FCHO2: variants seen among roughly 807,000 people sequenced by gnomAD.
FCHO2 encodes F-BAR domain only protein 2.
A neutral mutation model predicts 114.1 loss-of-function variants in FCHO2; 43 were observed. The ratio of observed to expected loss-of-function variants is 0.38; its 90% CI spans 0.30 to 0.49. The LOEUF (loss-of-function observed/expected upper bound fraction) is 0.49, where lower values mean the gene tolerates loss of function less well. FCHO2 is among the 20% of genes least tolerant of loss of function. The pLI, the probability that FCHO2 is intolerant of heterozygous loss-of-function variation, is 0.97. For synonymous variants in FCHO2, 293 were observed against 315.2 expected (o/e 0.93, Z 0.75); for missense variants, 807 against 950.4 (o/e 0.85, Z 1.98).
chr5:72,982,246 T>C (rs1753252724), intron 2 of FCHO2, among the ~76,000 whole-genome samples: 1 of 152,286 alleles, frequency 6.6e-6, no homozygotes, highest in South Asian at 2.1e-4. Flanking sequence ...GCACCCACTG[T>C]CTAACTAGCC....
intron 11 of FCHO2, among the ~76,000 whole-genome samples, chr5:73,045,576 T>G (rs760029328): frequency 6.6e-6 from 1 of 152,186 alleles, no homozygotes; most frequent in Non-Finnish European, 1.5e-5. Flanking sequence ...GTGTACAGGT[T>G]TTTGTGTGGA....
chr5:72,979,635 C>T (rs1322410362), intron 2 of FCHO2, among the ~76,000 whole-genome samples: 1 of 151,710 alleles, frequency 6.6e-6, no homozygotes, highest in Admixed American at 6.6e-5. Context: ...TCGTGATCCG[C>T]CCGCCTCGGC....
chr5:72,960,653 T>G (rs1467410988), intron 1 of FCHO2, among the ~76,000 whole-genome samples: 2 of 152,182 alleles, frequency 1.3e-5, no homozygotes, highest in Non-Finnish European at 2.9e-5. Flanking sequence ...ATAATAGTCT[T>G]GAGATTATAA....
chr5:73,035,993 C>T (rs1756484159), intron 9 of FCHO2, among the ~76,000 whole-genome samples: 4 of 151,758 alleles, frequency 2.6e-5, no homozygotes, highest in Admixed American at 2.6e-4. Context: ...CAGGTGTGCG[C>T]CACTACGCCC....
intron 11 of FCHO2, among the ~76,000 whole-genome samples, chr5:73,047,774 A>G (rs1393325112): frequency 1.3e-5 from 2 of 152,122 alleles, no homozygotes; most frequent in East Asian, 1.9e-4. Context: ...ATGTAAATGG[A>G]TATTGTAAAT....
intron 10 of FCHO2, among the ~76,000 whole-genome samples, chr5:73,040,087 A>C (rs905471890): frequency 1.3e-5 from 2 of 152,106 alleles, no homozygotes; most frequent in African/African-American, 4.8e-5. Context: ...TTTTCCTTTA[A>C]GAAAATTCTT....
intron 10 of FCHO2, among the ~76,000 whole-genome samples, chr5:73,038,826 T>C (rs1048189239): frequency 3.3e-5 from 5 of 152,216 alleles, no homozygotes; most frequent in African/African-American, 9.6e-5. Context: ...TATTTTATAA[T>C]ATTAGCAATA....
In FCHO2 at chr5:72,964,138, T is replaced by G. The variant is rs142896700; in HGVS notation, c.34-4360T>G. ...CGCAAAATATATAAAAATTAAAAAA[T>G]TAACTACTGTTTGCTTCTGTAGTTT... On this transcript the variant is annotated intron_variant, in intron 1 of 25. Transcript: ENST00000430046. Among the ~76,000 whole-genome samples, 624 of 152,194 alleles carry G rather than the reference T, an allele frequency of 4.1e-3. 3 individuals are homozygous for G. Among genetic ancestry groups the G allele is most frequent in the African/African-American group, 0.014 (594 of 41,524 alleles).
intron 5 of FCHO2, among the ~76,000 whole-genome samples, chr5:72,995,215 G>A (rs1185860603): frequency 1.3e-5 from 2 of 151,602 alleles, no homozygotes; most frequent in Non-Finnish European, 2.9e-5. Flanking sequence ...CTCCTGGTGT[G>A]GTTTGTTTTC....
intron 5 of FCHO2, among the ~76,000 whole-genome samples, chr5:72,995,519 G>A (rs1328357425): frequency 1.3e-5 from 2 of 152,154 alleles, no homozygotes; most frequent in African/African-American, 4.8e-5. Flanking sequence ...GCCTCCCAAA[G>A]TGCTGGGTGT....
intron 1 of FCHO2, among the ~76,000 whole-genome samples, chr5:72,962,096 T>G (rs1751908045): frequency 6.6e-6 from 1 of 152,198 alleles, no homozygotes; most frequent in African/African-American, 2.4e-5. Context: ...AATTATAGTG[T>G]TTTAGATTGC....
intron 8 of FCHO2, among the ~76,000 whole-genome samples, chr5:73,024,333 A>G (rs912259345): frequency 6.6e-6 from 1 of 151,974 alleles, no homozygotes; most frequent in Non-Finnish European, 1.5e-5. Context: ...AAGTGCTGGG[A>G]TTACAGGTGT....
chr5:72,987,268 C>T (rs1415838594), intron 2 of FCHO2, among the ~76,000 whole-genome samples: 1 of 152,098 alleles, frequency 6.6e-6, no homozygotes, highest in Non-Finnish European at 1.5e-5. Flanking sequence ...CTGCTTTTGG[C>T]ATCATGTTGG....
At chr5:73,065,212 A>G (rs924855677) in intron 18 of FCHO2, among the ~76,000 whole-genome samples, 5 of 152,078 alleles carry the variant, frequency 3.3e-5, no homozygotes, top group Non-Finnish European at 7.4e-5. Flanking sequence ...GTAATATAGA[A>G]ATTACTACAT....
At position 73,089,689 on chromosome 5, in the gene FCHO2, A is replaced by G. The variant is rs1240072509; in HGVS notation, c.*1599A>G. The G allele has an allele frequency of 1.3e-5, 2 of 152,556 alleles. No homozygotes were observed. Among genetic ancestry groups the G allele is most frequent in the Admixed American group, 6.5e-5 (1 of 15,280 alleles). 9.5% of individuals were successfully genotyped at this position (152,556 alleles called of 1,614,324 possible). On this transcript the variant is annotated 3_prime_UTR_variant, in exon 26 of 26. Coordinates refer to ENST00000430046, the MANE Select transcript of FCHO2 (RefSeq NM_138782.3). ...AATTGTGTTATATATGATAATTTAT[A>G]TAAAACCACTAATTGTTCCGTTAAG...
chr5:72,985,925 C>T (rs568099550), intron 2 of FCHO2, among the ~76,000 whole-genome samples: 1 of 152,092 alleles, frequency 6.6e-6, no homozygotes, highest in African/African-American at 2.4e-5. Context: ...TTGGAAAATT[C>T]CCCATTATTA....
At chr5:73,079,117 A>G (rs1263353117) in intron 22 of FCHO2, among the ~76,000 whole-genome samples, 1 of 152,174 alleles carries the variant, frequency 6.6e-6, no homozygotes, top group Non-Finnish European at 1.5e-5. Flanking sequence ...TTTATTTTAA[A>G]GAGATGGAGT....
chr5:73,015,342 A>G (rs1755251311), intron 6 of FCHO2, among the ~76,000 whole-genome samples: 3 of 151,198 alleles, frequency 2.0e-5, no homozygotes, highest in African/African-American at 7.3e-5. Context: ...GGCTCACTGG[A>G]ACCTCTGCCT....
intron 8 of FCHO2, among the ~76,000 whole-genome samples, chr5:73,024,959 ATACT>A (rs1487723434): frequency 1.3e-5 from 2 of 152,186 alleles, no homozygotes; most frequent in African/African-American, 4.8e-5. Flanking sequence ...CATGTAGAAA[ATACT>A]TACAGCTAGA....
Sources: allele counts gnomAD v4.1 joint callset (sites outside exome capture counted in the v4.1 genomes callset), GRCh38; gene constraint gnomAD v4.1.1; transcripts MANE v1.5; gene names NCBI Gene and HGNC (gene_info 2026-07-23, HGNC 2026-07-21).